Variants in DYNC2H1 observed in about 807,000 individuals in gnomAD.
DYNC2H1 encodes the protein dynein cytoplasmic 2 heavy chain 1.
DYNC2H1 carries 410 observed loss-of-function variants against 570.0 expected under a neutral mutation model. That is an observed-to-expected ratio of 0.72 (90% confidence interval 0.66 to 0.78). The LOEUF is 0.78. DYNC2H1 is among the 30% of genes least tolerant of loss of function. The probability of loss-of-function intolerance (pLI) is 0.00; values close to 1 mark genes in which losing one functional copy is unlikely to be tolerated. For missense variants in DYNC2H1, 4,865 were observed against 5,046.4 expected, an observed-to-expected ratio of 0.96 and a Z score of 1.09; for synonymous variants, 1,688 against 1,677.6, an observed-to-expected ratio of 1.01 and a Z score of -0.15.
chr11:103,402,367 ATTG>A (rs1295455042), intron 84 of DYNC2H1: 7 of 152,172 alleles, frequency 4.6e-5, no homozygotes, highest in Non-Finnish European at 8.8e-5. Flanking sequence ...TTTTTGGACA[ATTG>A]TTGTACGGTG....
chr11:103,275,574 A>G lies in DYNC2H1; in HGVS notation c.10696-4774A>G, dbSNP rs1390100672. Among the ~76,000 whole-genome samples, 1 of 152,154 alleles carries G rather than the reference A, an allele frequency of 6.6e-6. No individual in the cohort carries two copies. Among genetic ancestry groups the G allele is most frequent in the African/African-American group, 2.4e-5 (1 of 41,434 alleles). On this transcript the variant is annotated intron_variant, in intron 70 of 88. Coordinates refer to ENST00000375735, the MANE Select transcript of DYNC2H1 (RefSeq NM_001377.3). This position sits in a 1 kb window ranked among gnomAD's most constrained non-coding sequence, Gnocchi z 4.8. ...TTTTGCCTGTTCCAAATTATATTCT[A>G]ATTATATTTGTCATATAATTGGAAT...
rs1859173320 is a variant in DYNC2H1, at chr11:103,129,684, A to C, written c.1953+679A>C. Among the ~76,000 whole-genome samples, 1 of 152,138 alleles carries C rather than the reference A, an allele frequency of 6.6e-6. No homozygotes were observed. Among genetic ancestry groups the C allele is most frequent in the South Asian group, 2.1e-4 (1 of 4,826 alleles). ...GGGAGACAGAGCGACTCCATCTCAA[A>C]AAAAAAGAAAAAAAAGAAAGAAAAA... On this transcript the variant is annotated intron_variant, in intron 13 of 88. Transcript: ENST00000375735. This position sits in a 1 kb window ranked among gnomAD's most constrained non-coding sequence, Gnocchi z 4.1.
intron 83 of DYNC2H1, among the ~76,000 whole-genome samples, chr11:103,371,909 T>C (rs1331758953): frequency 6.7e-6 from 1 of 149,448 alleles, no homozygotes; most frequent in African/African-American, 2.4e-5. Flanking sequence ...CAATTTGGTT[T>C]CTTCCTTTCC....
intron 83 of DYNC2H1, among the ~76,000 whole-genome samples, chr11:103,386,454 A>G (rs1033552704): frequency 1.3e-5 from 2 of 151,982 alleles, no homozygotes; most frequent in African/African-American, 4.8e-5. Flanking sequence ...AACACACCAC[A>G]CACACACACA....
intron 84 of DYNC2H1, among the ~76,000 whole-genome samples, chr11:103,430,459 C>T (rs1455363261): frequency 6.6e-6 from 1 of 151,984 alleles, no homozygotes; most frequent in African/African-American, 2.4e-5. Flanking sequence ...CATTGACTCA[C>T]GTTTAGAATA....
chr11:103,244,958 A>C lies in DYNC2H1; in HGVS notation c.9919-293A>C, dbSNP rs1173460031. On this transcript the variant is annotated intron_variant, in intron 64 of 88. Coordinates refer to ENST00000375735, the MANE Select transcript of DYNC2H1 (RefSeq NM_001377.3). The surrounding 1 kb of genome is among the most constrained non-coding windows in gnomAD (Gnocchi z 4.3). Reference sequence around the variant, plus strand: ...TCCTTCCCTATCTAGAAAGCCTTAAAATTCTTGATTATTGAATTTTGCCTA... The same window carrying C: ...TCCTTCCCTATCTAGAAAGCCTTAACATTCTTGATTATTGAATTTTGCCTA... 6.6e-6 allele frequency among the ~76,000 whole-genome samples: 1 copy of C among 151,534 alleles called. No homozygotes were observed. Among genetic ancestry groups the C allele is most frequent in the African/African-American group, 2.4e-5 (1 of 41,342 alleles).
At chr11:103,362,324 T>C (rs947101737) in intron 83 of DYNC2H1, among the ~76,000 whole-genome samples, 3 of 78,452 alleles carry the variant, frequency 3.8e-5, no homozygotes, top group Non-Finnish European at 5.4e-5. Flanking sequence ...TTTTTTCTTT[T>C]TTTTTTTTCT....
rs750743207 is a variant in DYNC2H1, at chr11:103,234,156, C to T, written c.9563C>T (p.Ala3188Val). 1 of 1,584,550 alleles carries T rather than the reference C, an allele frequency of 6.3e-7. No homozygotes were observed. Among genetic ancestry groups the T allele is most frequent in the South Asian group, 1.2e-5 (1 of 86,392 alleles). Residue 3188 changes from alanine (A) to valine (V), a missense_variant, in exon 61 of 89, where the codon GCA (alanine) becomes GTA (valine). Physicochemically the swap from Ala to Val is moderately conservative, Grantham distance 64 (BLOSUM62 0). This residue lies in a region of DYNC2H1 where 2,401 missense variants were observed against 2,454.6 expected (regional missense o/e 0.98). Coordinates refer to ENST00000375735, the MANE Select transcript of DYNC2H1 (RefSeq NM_001377.3). ...QLDREHKRWNAQVVEITEELA... is the reference protein window; with the variant it reads ...QLDREHKRWNVQVVEITEELA... The stretch of plus-strand genomic sequence containing the variant: ...GACAGAGAACATAAGAGATGGAATG[C>T]ACAGGTTTGTTTGAGAGAGGGGCCA...
intron 82 of DYNC2H1, among the ~76,000 whole-genome samples, chr11:103,350,711 T>C (rs751338540): frequency 1.3e-5 from 2 of 152,146 alleles, no homozygotes; most frequent in Non-Finnish European, 2.9e-5. Flanking sequence ...TCCAGGCTTG[T>C]AGACAGCTGC....
chr11:103,425,446 C>G (rs898896782), intron 84 of DYNC2H1, among the ~76,000 whole-genome samples: 9 of 151,918 alleles, frequency 5.9e-5, no homozygotes, highest in Non-Finnish European at 1.3e-4. Context: ...GGCTAGCTCT[C>G]TAACCTCTTA....
chr11:103,398,574 G>C (rs1942489658), intron 83 of DYNC2H1, among the ~76,000 whole-genome samples: 1 of 152,150 alleles, frequency 6.6e-6, no homozygotes, highest in Non-Finnish European at 1.5e-5. Context: ...CTAGTAGAAT[G>C]AGGAGAAGGG....
Position 103,236,533 on chromosome 11 carries a change from AT to A in DYNC2H1, c.9815del (p.Leu3272TyrfsTer10). 1 of 1,534,506 alleles carries A rather than the reference AT, an allele frequency of 6.5e-7. No individual in the cohort carries two copies. Among genetic ancestry groups the A allele is most frequent in the Non-Finnish European group, 8.9e-7 (1 of 1,120,228 alleles). On this transcript the variant is annotated frameshift_variant, in exon 63 of 89. Coordinates refer to ENST00000375735, the MANE Select transcript of DYNC2H1 (RefSeq NM_001377.3). LOFTEE classifies it high-confidence loss of function. ...DLSIENALVILQSRVCPFLID... is the reference protein window; with the variant it reads ...DLSIENALVIXQSRVCPFLID... Reference sequence around the variant, plus strand: ...TTTCCATAGAAAATGCTCTTGTAATATTACAGGTAGTTAATTTATTTTAATT... The same window carrying A: ...TTTCCATAGAAAATGCTCTTGTAATATACAGGTAGTTAATTTATTTTAATT...
At chr11:103,370,448 T>C (rs910230344) in intron 83 of DYNC2H1, among the ~76,000 whole-genome samples, 4 of 152,146 alleles carry the variant, frequency 2.6e-5, no homozygotes, top group African/African-American at 9.7e-5. Context: ...CACCTGCTGA[T>C]TGTAAAACCC....
Position 103,271,595 on chromosome 11 carries a change from T to A in DYNC2H1, c.10696-8753T>A, listed in dbSNP as rs115207013. 8.5e-3 allele frequency among the ~76,000 whole-genome samples: 1,294 copies of A among 152,310 alleles called. 14 individuals are homozygous for A. The highest frequency in any genetic ancestry group is 0.03 in the African/African-American group (1,233 of 41,566). On this transcript the variant is annotated intron_variant, in intron 70 of 88. Transcript: ENST00000375735. ...GAGGATCATGGGGTTTATGGAATGT[T>A]TTGGAAGTAAATTTGATATGACTAT...
chr11:103,180,579 A>T (rs183206508), intron 39 of DYNC2H1, among the ~76,000 whole-genome samples: 1 of 151,678 alleles, frequency 6.6e-6, no homozygotes, highest in African/African-American at 2.4e-5. Flanking sequence ...TTCAGCTTAT[A>T]TCTTAGTTTT....
rs1862615762 is a variant in DYNC2H1, at chr11:103,199,111, A to G, written c.7840-117A>G. On this transcript the variant is annotated intron_variant, in intron 48 of 88. Transcript: ENST00000375735. This position sits in a 1 kb window ranked among gnomAD's most constrained non-coding sequence, Gnocchi z 4.6. ...ATTGAGTGTGAGATGATATGTAGTC[A>G]CTTTACTTTTTTTCTTGAATGTATC... is the stretch of plus-strand genomic sequence containing the variant. 1 of 655,048 alleles carries G rather than the reference A, an allele frequency of 1.5e-6. No individual in the cohort carries two copies. The highest frequency in any genetic ancestry group is 3.3e-5 in the Admixed American group (1 of 30,352). 40.6% of individuals were successfully genotyped at this position (655,048 alleles called of 1,614,324 possible). A position where few individuals can be genotyped will look rare whatever the true frequency, so the allele number is the denominator to read the frequency against.
At chr11:103,371,188 T>TTTTG (rs1941131165) in intron 83 of DYNC2H1, among the ~76,000 whole-genome samples, 1 of 152,044 alleles carries the variant, frequency 6.6e-6, no homozygotes, top group African/African-American at 2.4e-5. Context: ...CATTCAAGCC[T>TTTTG]TTTGATAACA....
At chr11:103,421,671 G>A (rs1316914016) in intron 84 of DYNC2H1, among the ~76,000 whole-genome samples, 1 of 152,066 alleles carries the variant, frequency 6.6e-6, no homozygotes, top group East Asian at 1.9e-4. Context: ...AGAATGAAGA[G>A]ACAATGTAGC....
At chr11:103,266,310 C>A (rs1001937862) in intron 70 of DYNC2H1, among the ~76,000 whole-genome samples, 1 of 152,022 alleles carries the variant, frequency 6.6e-6, no homozygotes, top group Non-Finnish European at 1.5e-5. Context: ...GCATGTGGGG[C>A]CCCTGCAGAT....
Sources: allele counts gnomAD v4.1 joint callset (sites outside exome capture counted in the v4.1 genomes callset), GRCh38; gene constraint gnomAD v4.1.1; regional missense constraint gnomAD v4.1.1; non-coding constraint Gnocchi (gnomAD v3.1); transcripts MANE v1.5; gene names NCBI Gene and HGNC (gene_info 2026-07-23, HGNC 2026-07-21).